Variants in TRPM3 observed in about 807,000 individuals in gnomAD.
TRPM3 encodes transient receptor potential cation channel subfamily M member 3, also known as long transient receptor potential channel 3.
In TRPM3, 77 loss-of-function variants were observed where a neutral mutation model predicts 181.2. That is an observed-to-expected ratio of 0.42 (90% CI 0.35 to 0.51). The LOEUF is 0.51. Among genes scored for constraint, TRPM3 ranks in the 20% least tolerant of loss-of-function variants. The probability of loss-of-function intolerance (pLI) is 0.01; values close to 1 mark genes in which losing one functional copy is unlikely to be tolerated. For synonymous variants in TRPM3, 745 were observed against 796.4 expected, an observed-to-expected ratio of 0.94 and a Z score of 1.09; for missense variants, 1,759 against 2,196.7, an observed-to-expected ratio of 0.80 and a Z score of 3.98.
intron 1 of TRPM3, among the ~76,000 whole-genome samples, chr9:71,310,826 G>C (rs1413384233): frequency 6.6e-6 from 1 of 152,004 alleles, no homozygotes; most frequent in Non-Finnish European, 1.5e-5. Flanking sequence ...ACCAAAGAAA[G>C]CTTAACCTAA....
intron 5 of TRPM3, among the ~76,000 whole-genome samples, chr9:70,829,436 T>C (rs1174255836): frequency 6.6e-6 from 1 of 152,094 alleles, no homozygotes; most frequent in Non-Finnish European, 1.5e-5. Flanking sequence ...TTGTTCAACA[T>C]TGAAAAAAAA....
chr9:71,395,589 A>G (rs1362651688), intron 1 of TRPM3, among the ~76,000 whole-genome samples: 1 of 152,230 alleles, frequency 6.6e-6, no homozygotes, highest in Non-Finnish European at 1.5e-5. Context: ...TACCAAAATA[A>G]AAGATCAACT....
At chr9:70,854,092 T>C (rs946659348) in intron 3 of TRPM3, among the ~76,000 whole-genome samples, 1 of 152,204 alleles carries the variant, frequency 6.6e-6, no homozygotes, top group Non-Finnish European at 1.5e-5. Context: ...AATTAATCAA[T>C]TCCTATTAAG....
chr9:71,167,382 G>A (rs1191219772), intron 1 of TRPM3, among the ~76,000 whole-genome samples: 1 of 152,060 alleles, frequency 6.6e-6, no homozygotes, highest in Non-Finnish European at 1.5e-5. Context: ...TCCCAAAATT[G>A]TACACTAGAA....
At chr9:71,420,779 GAGAGAGA>G (rs2093731697) in intron 1 of TRPM3, among the ~76,000 whole-genome samples, 1 of 85,554 alleles carries the variant, frequency 1.2e-5, no homozygotes, top group Admixed American at 1.1e-4. Context: ...GAGAGAGAAA[GAGAGAGA>G]AAGAGAGAGA....
At chr9:71,135,381 A>G (rs1480679212) in intron 1 of TRPM3, among the ~76,000 whole-genome samples, 1 of 152,168 alleles carries the variant, frequency 6.6e-6, no homozygotes, top group Non-Finnish European at 1.5e-5. Flanking sequence ...AGGCAACTCT[A>G]TTCTTTTCCA....
In TRPM3 at chr9:70,880,589, C is replaced by T. The variant is rs1041033896; in HGVS notation, c.178-16078G>A. ...TTGCATGTGTGTATAGTTGTGTGCACCCTGGCCAGGTTTAAATGATTAATT... is the reference window on the plus strand; with the variant it reads ...TTGCATGTGTGTATAGTTGTGTGCATCCTGGCCAGGTTTAAATGATTAATT... On this transcript the variant is annotated intron_variant, in intron 1 of 25. Transcript: ENST00000677713. Among the ~76,000 whole-genome samples, 3 of 152,004 alleles carry T rather than the reference C, an allele frequency of 2.0e-5. No individual in the cohort carries two copies. The South Asian group carries it at 6.2e-4, about 32-fold the overall frequency.
chr9:71,087,578 C>T (rs1565166142), intron 1 of TRPM3, among the ~76,000 whole-genome samples: 2 of 152,038 alleles, frequency 1.3e-5, no homozygotes, highest in African/African-American at 4.8e-5. Flanking sequence ...AGCAGTGAAA[C>T]TGCATTTGGT....
intron 22 of TRPM3, among the ~76,000 whole-genome samples, chr9:70,569,138 T>G (rs943203989): frequency 6.6e-6 from 1 of 152,204 alleles, no homozygotes; most frequent in Non-Finnish European, 1.5e-5. Context: ...TATATTGTGT[T>G]GGATGAGGTG....
chr9:71,395,087 T>C (rs746234629), intron 1 of TRPM3, among the ~76,000 whole-genome samples: 17 of 152,184 alleles, frequency 1.1e-4, no homozygotes, highest in Admixed American at 2.6e-4. Context: ...TGATGAGACA[T>C]TGTGCTACCA....
At chr9:71,028,850 G>C (rs2056926880) in intron 1 of TRPM3, among the ~76,000 whole-genome samples, 1 of 152,076 alleles carries the variant, frequency 6.6e-6, no homozygotes, top group Non-Finnish European at 1.5e-5. Context: ...ACACCCCACT[G>C]ACAGTGTTAG....
At chr9:70,607,460 G>C (rs2061360737) in intron 19 of TRPM3, among the ~76,000 whole-genome samples, 1 of 152,156 alleles carries the variant, frequency 6.6e-6, no homozygotes, top group African/African-American at 2.4e-5. Flanking sequence ...GAACAGATCT[G>C]GGGGATCCAG....
intron 1 of TRPM3, among the ~76,000 whole-genome samples, chr9:71,237,401 T>C (rs1044542086): frequency 2.1e-4 from 32 of 152,106 alleles, no homozygotes; most frequent in Non-Finnish European, 3.8e-4. Context: ...AATAGTCTCT[T>C]TATCCAGGCA....
intron 12 of TRPM3, among the ~76,000 whole-genome samples, chr9:70,630,141 A>G (rs950182710): frequency 1.3e-5 from 2 of 152,194 alleles, no homozygotes; most frequent in Admixed American, 6.5e-5. Flanking sequence ...AGCCAGCAAC[A>G]TGACCCCATA....
intron 1 of TRPM3, among the ~76,000 whole-genome samples, chr9:71,424,677 C>T (rs1198959384): frequency 6.6e-6 from 1 of 152,064 alleles, no homozygotes; most frequent in Non-Finnish European, 1.5e-5. Flanking sequence ...ATAGGTGTTT[C>T]CCTGTCTTTC....
At chr9:71,071,234 C>A (rs563705812) in intron 1 of TRPM3, among the ~76,000 whole-genome samples, 1 of 152,248 alleles carries the variant, frequency 6.6e-6, no homozygotes, top group South Asian at 2.1e-4. Flanking sequence ...GGGAAAGAGG[C>A]CACCTTAGAA....
At chr9:71,334,147 C>T (rs1376103647) in intron 1 of TRPM3, among the ~76,000 whole-genome samples, 2 of 151,628 alleles carry the variant, frequency 1.3e-5, no homozygotes, top group East Asian at 1.9e-4. Context: ...GTAAGAAGCT[C>T]TGGTACAAGT....
intron 1 of TRPM3, among the ~76,000 whole-genome samples, chr9:71,415,722 TTTC>T (rs1422983398): frequency 6.6e-6 from 1 of 152,022 alleles, no homozygotes; most frequent in African/African-American, 2.4e-5. Flanking sequence ...ATGGAACAGT[TTTC>T]TATACTCAGC....
intron 1 of TRPM3, among the ~76,000 whole-genome samples, chr9:71,188,082 T>C (rs1190348411): frequency 1.3e-5 from 2 of 152,094 alleles, no homozygotes; most frequent in South Asian, 2.1e-4. Context: ...ATAAACATCC[T>C]TGCACACCTT....
Sources: gnomAD v4.1 joint callset for allele counts (sites outside exome capture counted in the v4.1 genomes callset) on GRCh38, gnomAD v4.1.1 for gene constraint, MANE v1.5 for transcripts, NCBI Gene and HGNC (gene_info 2026-07-23, HGNC 2026-07-21) for gene names.